NR6A1: variants seen among roughly 807,000 people sequenced by gnomAD.
The protein encoded by NR6A1 is retinoic acid receptor-related testis-associated receptor.
In NR6A1, 7 loss-of-function variants were observed where a neutral mutation model predicts 59.1. The observed-to-expected ratio is 0.12, with a 90% CI of 0.07 to 0.22. The LOEUF (loss-of-function observed/expected upper bound fraction) is 0.22, where lower values mean the gene tolerates loss of function less well. Among genes scored for constraint, NR6A1 ranks in the 10% least tolerant of loss-of-function variants. The pLI is 1.00. For synonymous variants in NR6A1, 243 were observed against 236.1 expected (o/e 1.03, Z -0.27); for missense variants, 468 against 611.6 (o/e 0.77, Z 2.48).
At chr9:124,691,639 T>C (rs1838546980) in intron 2 of NR6A1, among the ~76,000 whole-genome samples, 2 of 152,226 alleles carry the variant, frequency 1.3e-5, no homozygotes, top group Admixed American at 6.5e-5. Context: ...ACATTTTAGT[T>C]ACACTCTGTG....
intron 2 of NR6A1, among the ~76,000 whole-genome samples, chr9:124,565,719 T>A (rs753088064): frequency 6.6e-6 from 1 of 152,234 alleles, no homozygotes; most frequent in Non-Finnish European, 1.5e-5. Flanking sequence ...AATAAACTTA[T>A]GAAAAGATGT....
At chr9:124,755,336 T>C (rs1031734923) in intron 1 of NR6A1, among the ~76,000 whole-genome samples, 18 of 152,322 alleles carry the variant, frequency 1.2e-4, no homozygotes, top group African/African-American at 4.3e-4. Flanking sequence ...TTAACAACTT[T>C]TTCCGTTCAT....
chr9:124,536,125 C>T lies in NR6A1; in HGVS notation c.832G>A (p.Val278Met). 6.2e-7 allele frequency: 1 copy of T among 1,612,498 alleles called. No homozygotes were observed. Reference protein sequence around the residue: ...TPMLIEDGYAVTQAELFALLC... With the variant: ...TPMLIEDGYAMTQAELFALLC... ...AGGGCAAATAGTTCTGCCTGTGTCACAGCGTATCTGAGGGGCAGGGACAGG... is the reference window on the plus strand; with the variant it reads ...AGGGCAAATAGTTCTGCCTGTGTCATAGCGTATCTGAGGGGCAGGGACAGG... The change falls in exon 7 of 10, where the codon GTG (valine) becomes ATG (methionine). Residue 278 changes from valine to methionine, a missense_variant. Val to Met is a conservative substitution (Grantham distance 21). Coordinates refer to ENST00000487099, the MANE Select transcript of NR6A1 (RefSeq NM_033334.4).
chr9:124,517,971 T>A lies in NR6A1; in HGVS notation c.*4734A>T, dbSNP rs541290512. ...TAAGAGGTAGTTTTTTTTTTCTTTT[T>A]CATGGAAATTTGAATCAACAACATT... On this transcript the variant is annotated 3_prime_UTR_variant, in exon 10 of 10. Transcript: ENST00000487099. 12 of 151,878 alleles carry A rather than the reference T, an allele frequency of 7.9e-5. No homozygotes were observed. The highest frequency in any genetic ancestry group is 1.8e-4 in the Non-Finnish European group (12 of 67,934). 9.4% of individuals were successfully genotyped at this position (151,878 alleles called of 1,614,324 possible).
intron 1 of NR6A1, among the ~76,000 whole-genome samples, chr9:124,758,414 C>G (rs956296894): frequency 1.3e-5 from 2 of 152,192 alleles, no homozygotes; most frequent in Non-Finnish European, 2.9e-5. Context: ...GAAGACAGCA[C>G]TCTTCTCAAT....
intron 2 of NR6A1, among the ~76,000 whole-genome samples, chr9:124,721,942 T>C (rs1355552377): frequency 2.0e-5 from 3 of 152,234 alleles, no homozygotes; most frequent in African/African-American, 4.8e-5. Context: ...TCAGGCCTCA[T>C]AGTTCTCATC....
At position 124,726,418 on chromosome 9, in the gene NR6A1, T is replaced by C. The variant is rs181382714; in HGVS notation, c.142+6890A>G. ...TAGCTGCATCCTTCAGCTATTCCTT[T>C]ATATTGGGGAGCAAAACCTTTAGAT... On this transcript the variant is annotated intron_variant, in intron 2 of 9. Transcript: ENST00000487099. Among the ~76,000 whole-genome samples, 181 of 152,346 alleles carry C rather than the reference T, an allele frequency of 1.2e-3. 1 individual carries two copies. In the East Asian group the frequency reaches 0.032, roughly 27 times the overall value.
intron 3 of NR6A1, among the ~76,000 whole-genome samples, chr9:124,544,880 A>T (rs1424181893): frequency 1.3e-5 from 2 of 152,186 alleles, no homozygotes; most frequent in African/African-American, 4.8e-5. Context: ...TGGGATTTTT[A>T]AAAAATCTTT....
chr9:124,705,271 TATTA>T (rs962279960), intron 2 of NR6A1, among the ~76,000 whole-genome samples: 4 of 152,358 alleles, frequency 2.6e-5, no homozygotes, highest in Non-Finnish European at 5.9e-5. Flanking sequence ...CTAATTATTC[TATTA>T]ATTATTGAAA....
rs1003932305 is a variant in NR6A1 at position 124,519,683 on chromosome 9, G to A, written c.*3022C>T. The A allele has an allele frequency of 1.3e-5, 2 of 152,042 alleles. No individual in the cohort carries two copies. Among genetic ancestry groups the A allele is most frequent in the African/African-American group, 2.4e-5 (1 of 41,380 alleles). 9.4% of individuals were successfully genotyped at this position (152,042 alleles called of 1,614,324 possible). On this transcript the variant is annotated 3_prime_UTR_variant, in exon 10 of 10. Coordinates refer to ENST00000487099, the MANE Select transcript of NR6A1 (RefSeq NM_033334.4). ...TGGGAGGCCGAGGCAGGCGGATCAC[G>A]AGGTCAGGAGATGGAGACCATCCTG...
chr9:124,650,183 T>A (rs1262982349), intron 2 of NR6A1, among the ~76,000 whole-genome samples: 2 of 152,094 alleles, frequency 1.3e-5, no homozygotes, highest in Non-Finnish European at 2.9e-5. Flanking sequence ...ATATCAGACA[T>A]GAAATCAACC....
intron 1 of NR6A1, among the ~76,000 whole-genome samples, chr9:124,767,350 G>A (rs1588866888): frequency 6.6e-6 from 1 of 152,090 alleles, no homozygotes; most frequent in East Asian, 1.9e-4. Context: ...TCATATTTTG[G>A]TTACATGAAT....
At position 124,770,911 on chromosome 9, in the gene NR6A1, G is replaced by T. The variant is rs1482740302; in HGVS notation, c.100+109C>A. 3 of 592,200 alleles carry T rather than the reference G, an allele frequency of 5.1e-6. No individual in the cohort carries two copies. In the African/African-American group the frequency reaches 5.8e-5, roughly 11 times the overall value. The allele number at this position is 592,200 out of a possible 1,614,324, so 36.7% of individuals were successfully genotyped here. On this transcript the variant is annotated intron_variant, in intron 1 of 9. Coordinates refer to ENST00000487099, the MANE Select transcript of NR6A1 (RefSeq NM_033334.4). ...AAGGGCCACCCTAAGGGGCCGCGGG[G>T]CCGCTGCGGCTTCCCAGGGCGAGGG...
intron 2 of NR6A1, among the ~76,000 whole-genome samples, chr9:124,625,559 G>T (rs1193996454): frequency 6.6e-6 from 1 of 152,118 alleles, no homozygotes; most frequent in Non-Finnish European, 1.5e-5. Context: ...GGCATAAAAT[G>T]ATGACCAATA....
chr9:124,582,288 C>T (rs778281186), intron 2 of NR6A1, among the ~76,000 whole-genome samples: 1 of 152,142 alleles, frequency 6.6e-6, no homozygotes, highest in African/African-American at 2.4e-5. Flanking sequence ...AGCTGGGGGC[C>T]ATTATCCTTA....
chr9:124,665,170 C>G (rs1321662389), intron 2 of NR6A1, among the ~76,000 whole-genome samples: 2 of 140,842 alleles, frequency 1.4e-5, no homozygotes, highest in South Asian at 2.4e-4. Context: ...AGGGTGACAA[C>G]AAGAACCTTT....
chr9:124,603,285 G>A (rs1835493772), intron 2 of NR6A1, among the ~76,000 whole-genome samples: 6 of 152,248 alleles, frequency 3.9e-5, no homozygotes, highest in Admixed American at 3.3e-4. Context: ...ATGGCTCCTC[G>A]AGAGGTGTGT....
intron 2 of NR6A1, among the ~76,000 whole-genome samples, chr9:124,732,525 C>T (rs1839913592): frequency 6.6e-6 from 1 of 152,150 alleles, no homozygotes; most frequent in Admixed American, 6.5e-5. Flanking sequence ...TGGTAACTCT[C>T]ATATCTTAAC....
intron 2 of NR6A1, among the ~76,000 whole-genome samples, chr9:124,581,506 C>T (rs1834765672): frequency 6.6e-6 from 1 of 152,118 alleles, no homozygotes; most frequent in Admixed American, 6.5e-5. Flanking sequence ...ACAGGAGAAT[C>T]ACTTGAACCC....
Sources: gnomAD v4.1 joint callset for allele counts (sites outside exome capture counted in the v4.1 genomes callset) on GRCh38, gnomAD v4.1.1 for gene constraint, MANE v1.5 for transcripts, NCBI Gene and HGNC (gene_info 2026-07-23, HGNC 2026-07-21) for gene names.